The following ZFAND3 variants were observed in gnomAD, a reference collection of about 807,000 sequenced individuals.
ZFAND3 encodes the protein zinc finger AN1-type containing 3.
A neutral mutation model predicts 29.6 loss-of-function variants in ZFAND3; 10 were observed. The ratio of observed to expected loss-of-function variants is 0.34; its 90% CI spans 0.21 to 0.57. ZFAND3 has a LOEUF of 0.57. Among genes scored for constraint, ZFAND3 ranks in the 20% least tolerant of loss-of-function variants. ZFAND3 has a pLI of 0.86. For synonymous variants in ZFAND3, 128 were observed against 112.6 expected, an observed-to-expected ratio of 1.14 and a Z score of -0.87; for missense variants, 230 against 304.5, an observed-to-expected ratio of 0.76 and a Z score of 1.82.
chr6:38,052,708 AT>A (rs1238204156), intron 2 of ZFAND3, among the ~76,000 whole-genome samples: 1 of 152,136 alleles, frequency 6.6e-6, no homozygotes, highest in Non-Finnish European at 1.5e-5. Flanking sequence ...GAATATGAGG[AT>A]AAAAAAATCT....
chr6:37,993,621 T>G (rs1324296526), intron 2 of ZFAND3, among the ~76,000 whole-genome samples: 1 of 152,186 alleles, frequency 6.6e-6, no homozygotes, highest in Non-Finnish European at 1.5e-5. Flanking sequence ...ACCACTGCAC[T>G]TGGCCTGTTT....
intron 3 of ZFAND3, among the ~76,000 whole-genome samples, chr6:38,080,245 T>C (rs960293501): frequency 6.6e-6 from 1 of 151,830 alleles, no homozygotes; most frequent in Non-Finnish European, 1.5e-5. Flanking sequence ...CCGTGGCACG[T>C]GTATACCTAT....
intron 1 of ZFAND3, among the ~76,000 whole-genome samples, chr6:37,857,750 T>TC (rs1764410866): frequency 6.6e-6 from 1 of 152,178 alleles, no homozygotes; most frequent in South Asian, 2.1e-4. Context: ...ACTTTACCAG[T>TC]CCCTGCCTCC....
intron 5 of ZFAND3, chr6:38,142,183 A>C (rs1454112285): frequency 2.1e-6 from 1 of 471,130 alleles, no homozygotes; most frequent in Non-Finnish European, 4.4e-6. Context: ...TCTCATCTTC[A>C]TACTCCCTGT....
At chr6:37,874,787 G>C (rs1303245098) in intron 1 of ZFAND3, among the ~76,000 whole-genome samples, 1 of 152,048 alleles carries the variant, frequency 6.6e-6, no homozygotes, top group Non-Finnish European at 1.5e-5. Context: ...TGTTGCCCAG[G>C]CTGGTCTCAA....
chr6:37,988,406 A>G (rs1239608924), intron 2 of ZFAND3, among the ~76,000 whole-genome samples: 1 of 152,298 alleles, frequency 6.6e-6, no homozygotes, highest in East Asian at 1.9e-4. Context: ...CACTACATCT[A>G]TTGCAAACTT....
chr6:38,124,673 C>T (rs930926092), intron 5 of ZFAND3, among the ~76,000 whole-genome samples: 1 of 152,194 alleles, frequency 6.6e-6, no homozygotes, highest in Non-Finnish European at 1.5e-5. Context: ...GCGCCGCGCG[C>T]AGCCCAGGTT....
intron 1 of ZFAND3, among the ~76,000 whole-genome samples, chr6:37,826,129 AAAGGTT>A (rs1021718835): frequency 6.6e-6 from 1 of 152,080 alleles, no homozygotes; most frequent in African/African-American, 2.4e-5. Context: ...GTTTTTGAAG[AAAGGTT>A]AAGGTTGATA....
At chr6:37,977,864 C>CTTCCTTCCT (rs1554164349) in intron 2 of ZFAND3, among the ~76,000 whole-genome samples, 1 of 139,200 alleles carries the variant, frequency 7.2e-6, no homozygotes, top group East Asian at 2.1e-4. Context: ...TCCTTCCTTC[C>CTTCCTTCCT]TTCCTTTCCT....
intron 2 of ZFAND3, among the ~76,000 whole-genome samples, chr6:38,054,362 C>G (rs1383092161): frequency 1.3e-5 from 2 of 149,314 alleles, no homozygotes; most frequent in African/African-American, 4.9e-5. Flanking sequence ...CCACTGCACT[C>G]CAGCCTGGGT....
At chr6:38,104,833 A>G (rs779063303) in intron 4 of ZFAND3, among the ~76,000 whole-genome samples, 1 of 152,192 alleles carries the variant, frequency 6.6e-6, no homozygotes, top group Non-Finnish European at 1.5e-5. Context: ...CCCTCATCCC[A>G]GAGACAGCTG....
At chr6:37,872,100 T>A (rs534362963) in intron 1 of ZFAND3, among the ~76,000 whole-genome samples, 156 of 152,330 alleles carry the variant, frequency 1.0e-3, no homozygotes, top group Non-Finnish European at 1.3e-3. Context: ...CCTGATAGAA[T>A]CACTCTGAAC....
rs202057469 is a variant in ZFAND3 at position 37,908,743 on chromosome 6, GAAAAAAA to G, written c.72-21205_72-21199del. ...TAAACAAGTAAACTTAATTTTCAAA[GAAAAAAA>G]AAAAAAAAAAGAAAAGTTTGATCAC... On this transcript the variant is annotated intron_variant, in intron 1 of 5. Coordinates refer to ENST00000287218, the MANE Select transcript of ZFAND3 (RefSeq NM_021943.3). 1.0e-4 allele frequency among the ~76,000 whole-genome samples: 10 copies of G among 97,272 alleles called. No individual in the cohort carries two copies. The South Asian group carries it at 1.5e-3, about 15-fold the overall frequency. 63.8% of individuals were successfully genotyped at this position (97,272 alleles called of 152,430 possible). A position where few individuals can be genotyped will look rare whatever the true frequency, so the allele number is the denominator to read the frequency against.
intron 2 of ZFAND3, among the ~76,000 whole-genome samples, chr6:38,049,125 A>G (rs1763969131): frequency 6.6e-6 from 1 of 152,158 alleles, no homozygotes; most frequent in African/African-American, 2.4e-5. Context: ...CATTCATGAT[A>G]CCCACCTGGT....
intron 1 of ZFAND3, among the ~76,000 whole-genome samples, chr6:37,825,248 T>TTAC (rs1424300725): frequency 6.6e-6 from 1 of 152,202 alleles, no homozygotes; most frequent in African/African-American, 2.4e-5. Context: ...ACAGTATGAA[T>TTAC]TACTAATCAG....
chr6:38,029,150 T>G (rs1342368096), intron 2 of ZFAND3, among the ~76,000 whole-genome samples: 1 of 152,206 alleles, frequency 6.6e-6, no homozygotes, highest in African/African-American at 2.4e-5. Flanking sequence ...GAAAAGCCAT[T>G]TAAAAGTCCA....
At chr6:38,026,939 G>C (rs552593895) in intron 2 of ZFAND3, among the ~76,000 whole-genome samples, 2 of 152,124 alleles carry the variant, frequency 1.3e-5, no homozygotes, top group African/African-American at 4.8e-5. Flanking sequence ...CTAAGTTTTT[G>C]AATCAATTAG....
intron 2 of ZFAND3, among the ~76,000 whole-genome samples, chr6:37,958,974 A>G (rs1050429119): frequency 1.3e-5 from 2 of 152,236 alleles, no homozygotes; most frequent in African/African-American, 2.4e-5. Flanking sequence ...AATTCCTGCC[A>G]TAGATTTTAT....
chr6:38,003,630 C>G (rs1419338913), intron 2 of ZFAND3: 3 of 281,012 alleles, frequency 1.1e-5, no homozygotes, highest in Non-Finnish European at 2.1e-5. Flanking sequence ...TCCCAAGTAG[C>G]TGGGACTACA....
Sources: gnomAD v4.1 joint callset for allele counts (sites outside exome capture counted in the v4.1 genomes callset) on GRCh38, gnomAD v4.1.1 for gene constraint, MANE v1.5 for transcripts, NCBI Gene and HGNC (gene_info 2026-07-23, HGNC 2026-07-21) for gene names.